The following PIP4K2A variants were observed in gnomAD, a reference collection of about 807,000 sequenced individuals.
The protein encoded by PIP4K2A is phosphatidylinositol-5-phosphate 4-kinase type 2 alpha.
A neutral mutation model predicts 42.9 loss-of-function variants in PIP4K2A; 14 were observed. That is an observed-to-expected ratio of 0.33 (90% confidence interval 0.22 to 0.51). The LOEUF (loss-of-function observed/expected upper bound fraction) is 0.51. Ranked by LOEUF, PIP4K2A falls within the 20% of genes least tolerant of loss-of-function variation. PIP4K2A has a pLI of 0.97. For synonymous variants in PIP4K2A, 192 were observed against 192.2 expected (o/e 1.00, Z 0.01); for missense variants, 434 against 519.8 (o/e 0.83, Z 1.61).
chr10:22,563,013 T>C (rs1836750373), intron 6 of PIP4K2A, among the ~76,000 whole-genome samples: 1 of 152,154 alleles, frequency 6.6e-6, no homozygotes, highest in Non-Finnish European at 1.5e-5. Context: ...AAATGGTGGA[T>C]GTTTCTTTGG....
chr10:22,604,005 G>A (rs1488645313), intron 3 of PIP4K2A, among the ~76,000 whole-genome samples: 5 of 92,820 alleles, frequency 5.4e-5, no homozygotes, highest in African/African-American at 2.8e-4. Flanking sequence ...ACACACGCGC[G>A]CACGCACACA....
At chr10:22,546,317 T>C (rs1836257675) in intron 7 of PIP4K2A, among the ~76,000 whole-genome samples, 1 of 152,360 alleles carries the variant, frequency 6.6e-6, no homozygotes, top group South Asian at 2.1e-4. Context: ...CTTTTTTTAA[T>C]ATCAAGATTT....
At chr10:22,577,713 G>A (rs370442594) in intron 4 of PIP4K2A, among the ~76,000 whole-genome samples, 3 of 152,280 alleles carry the variant, frequency 2.0e-5, no homozygotes, top group East Asian at 1.9e-4. Context: ...ACACTGCGAC[G>A]CATCTTGTCG....
intron 4 of PIP4K2A, among the ~76,000 whole-genome samples, chr10:22,579,912 A>C (rs1837222384): frequency 6.6e-6 from 1 of 150,624 alleles, no homozygotes; most frequent in Non-Finnish European, 1.5e-5. Flanking sequence ...TCGTCTGAGA[A>C]GAAAAAAAAG....
intron 1 of PIP4K2A, among the ~76,000 whole-genome samples, chr10:22,632,614 A>C (rs1838572434): frequency 6.6e-6 from 1 of 152,156 alleles, no homozygotes; most frequent in African/African-American, 2.4e-5. Context: ...CATGTGCAAG[A>C]AGCATGACCT....
intron 3 of PIP4K2A, among the ~76,000 whole-genome samples, chr10:22,598,417 TA>T (rs1296943716): frequency 1.3e-5 from 2 of 152,208 alleles, no homozygotes; most frequent in Non-Finnish European, 2.9e-5. Context: ...AAAGTGACAG[TA>T]AGTTATTTCC....
chr10:22,697,416 C>T (rs1191163501), intron 1 of PIP4K2A, among the ~76,000 whole-genome samples: 1 of 152,116 alleles, frequency 6.6e-6, no homozygotes, highest in Non-Finnish European at 1.5e-5. Flanking sequence ...ATGGTAACAT[C>T]CAACATTTAA....
At chr10:22,703,792 C>A (rs977216493) in intron 1 of PIP4K2A, among the ~76,000 whole-genome samples, 4 of 152,134 alleles carry the variant, frequency 2.6e-5, no homozygotes. Context: ...CACAGTGTTC[C>A]TGAGAAAGAA....
intron 1 of PIP4K2A, among the ~76,000 whole-genome samples, chr10:22,611,456 A>G (rs896322715): frequency 3.3e-5 from 5 of 152,118 alleles, no homozygotes; most frequent in African/African-American, 1.2e-4. Context: ...AAAGCAATAT[A>G]TAAGTAAGAA....
At chr10:22,703,126 C>T (rs1833747817) in intron 1 of PIP4K2A, among the ~76,000 whole-genome samples, 1 of 152,154 alleles carries the variant, frequency 6.6e-6, no homozygotes, top group East Asian at 1.9e-4. Context: ...TGAGGGCAGG[C>T]TGGGCATGGT....
Position 22,541,949 on chromosome 10 carries a change from A to G in PIP4K2A, c.891T>C (p.Asp297=). ...CATCGCTCTCGCCCTCCTCCTCCCC[A>G]TCGTTCTCCTCACACTCCACTTCCT... ...EQEEVECEEN[D]GEEEGESDGT... The change falls in exon 8 of 10, where the codon GAT becomes GAC. Residue 297 remains aspartate (D), a synonymous_variant. Transcript: ENST00000376573. 9 of 1,613,824 alleles carry G rather than the reference A, an allele frequency of 5.6e-6. No individual in the cohort carries two copies. Among genetic ancestry groups the G allele is most frequent in the Non-Finnish European group, 6.8e-6 (8 of 1,179,920 alleles).
intron 1 of PIP4K2A, among the ~76,000 whole-genome samples, chr10:22,678,231 C>T (rs1033793657): frequency 2.6e-5 from 4 of 151,744 alleles, no homozygotes; most frequent in Non-Finnish European, 5.9e-5. Flanking sequence ...TACCAGGGAC[C>T]AGAGCAGAGC....
chr10:22,547,192 T>A (rs1407737451), intron 7 of PIP4K2A, among the ~76,000 whole-genome samples: 3 of 152,192 alleles, frequency 2.0e-5, no homozygotes, highest in African/African-American at 7.2e-5. Flanking sequence ...TCCCAACATA[T>A]CTGTGAAGTA....
At chr10:22,593,363 C>T (rs1270732353) in intron 3 of PIP4K2A, among the ~76,000 whole-genome samples, 1 of 152,176 alleles carries the variant, frequency 6.6e-6, no homozygotes, top group Non-Finnish European at 1.5e-5. Context: ...AAAAAATCTA[C>T]ATAATCCCCA....
chr10:22,543,225 G>C (rs1488243323), intron 7 of PIP4K2A, among the ~76,000 whole-genome samples: 2 of 152,102 alleles, frequency 1.3e-5, no homozygotes, highest in Non-Finnish European at 2.9e-5. Flanking sequence ...AGGACCCCTG[G>C]GCACAGGGCT....
chr10:22,701,063 T>C (rs771232696), intron 1 of PIP4K2A, among the ~76,000 whole-genome samples: 1 of 152,182 alleles, frequency 6.6e-6, no homozygotes, highest in African/African-American at 2.4e-5. Context: ...AGCTTCTCCA[T>C]CCACCACGCT....
chr10:22,673,878 G>A (rs935122944), intron 1 of PIP4K2A, among the ~76,000 whole-genome samples: 2 of 152,094 alleles, frequency 1.3e-5, no homozygotes, highest in Non-Finnish European at 2.9e-5. Context: ...CATTTCTATG[G>A]TTAATTATAC....
chr10:22,537,089 A>G lies in PIP4K2A; in HGVS notation c.*112T>C. On this transcript the variant is annotated 3_prime_UTR_variant, in exon 10 of 10. Coordinates refer to ENST00000376573, the MANE Select transcript of PIP4K2A (RefSeq NM_005028.5). ...TCTTGGCCTGAAGATGTAAACAAGG[A>G]GGTTTGCTTCCTGCAAGATGAGTAC... 1.4e-6 allele frequency: 1 copy of G among 738,896 alleles called. No individual in the cohort carries two copies. The highest frequency in any genetic ancestry group is 2.7e-5 in the Admixed American group (1 of 37,542). The allele number at this position is 738,896 out of a possible 1,614,324, so 45.8% of individuals were successfully genotyped here.
At chr10:22,575,942 A>T (rs1197681412) in intron 4 of PIP4K2A, among the ~76,000 whole-genome samples, 1 of 152,130 alleles carries the variant, frequency 6.6e-6, no homozygotes, top group Non-Finnish European at 1.5e-5. Flanking sequence ...CATCTCAAAA[A>T]AAAAACAAAA....
Sources: allele counts gnomAD v4.1 joint callset (sites outside exome capture counted in the v4.1 genomes callset), GRCh38; gene constraint gnomAD v4.1.1; transcripts MANE v1.5; gene names NCBI Gene and HGNC (gene_info 2026-07-23, HGNC 2026-07-21).